The following ROBO2 variants were observed in gnomAD, a reference collection of about 807,000 sequenced individuals.
ROBO2 encodes the protein roundabout guidance receptor 2.
ROBO2 carries 53 observed loss-of-function variants against 160.8 expected under a neutral mutation model. The ratio of observed to expected loss-of-function variants is 0.33; its 90% CI spans 0.26 to 0.41. ROBO2 has a LOEUF of 0.41. Ranked by LOEUF, ROBO2 falls within the 10% of genes least tolerant of loss-of-function variation. The pLI, the probability that ROBO2 is intolerant of heterozygous loss-of-function variation, is 1.00. For missense variants in ROBO2, 1,577 were observed against 1,722.4 expected (o/e 0.92, Z 1.49); for synonymous variants, 664 against 611.7 (o/e 1.09, Z -1.26).
intron 1 of ROBO2, among the ~76,000 whole-genome samples, chr3:77,083,753 A>T (rs1390118234): frequency 6.6e-6 from 1 of 152,036 alleles, no homozygotes; most frequent in African/African-American, 2.4e-5. Flanking sequence ...AGCATTAGGG[A>T]CCTGGAGAAA....
chr3:76,956,282 G>T (rs1656974544), intron 2 of ROBO2, among the ~76,000 whole-genome samples: 1 of 152,138 alleles, frequency 6.6e-6, no homozygotes, highest in African/African-American at 2.4e-5. Context: ...TCTGGGCCAG[G>T]CACGGTGGCT....
chr3:77,007,179 A>C (rs2061624461), intron 2 of ROBO2, among the ~76,000 whole-genome samples: 1 of 152,140 alleles, frequency 6.6e-6, no homozygotes, highest in African/African-American at 2.4e-5. Context: ...ATGAGAAAAT[A>C]CACATCAACT....
intron 2 of ROBO2, among the ~76,000 whole-genome samples, chr3:76,997,886 A>G (rs2061111422): frequency 6.6e-6 from 1 of 152,142 alleles, no homozygotes; most frequent in South Asian, 2.1e-4. Flanking sequence ...AAATGACCTC[A>G]GAGGGAGGGC....
At chr3:76,413,709 G>A (rs142649926) in intron 2 of ROBO2, among the ~76,000 whole-genome samples, 2 of 152,172 alleles carry the variant, frequency 1.3e-5, no homozygotes, top group Non-Finnish European at 1.5e-5. Flanking sequence ...AGCATTTTGG[G>A]TAAAGCCATT....
At chr3:76,202,896 T>C (rs984943592) in intron 2 of ROBO2, among the ~76,000 whole-genome samples, 1 of 151,866 alleles carries the variant, frequency 6.6e-6, no homozygotes, top group Non-Finnish European at 1.5e-5. Context: ...CTGATATACC[T>C]TGGGCTCTCT....
chr3:76,216,860 C>T (rs1425774287), intron 2 of ROBO2, among the ~76,000 whole-genome samples: 6 of 152,124 alleles, frequency 3.9e-5, no homozygotes, highest in African/African-American at 9.7e-5. Flanking sequence ...AATATAAATT[C>T]TTTTCAGCAC....
At chr3:75,999,148 A>G (rs2065812277) in intron 2 of ROBO2, among the ~76,000 whole-genome samples, 1 of 152,146 alleles carries the variant, frequency 6.6e-6, no homozygotes, top group Admixed American at 6.6e-5. Context: ...TCCTCATCTG[A>G]TTGTTTTAAA....
chr3:77,472,653 T>C (rs2083473963), intron 2 of ROBO2, among the ~76,000 whole-genome samples: 1 of 152,170 alleles, frequency 6.6e-6, no homozygotes, highest in Admixed American at 6.5e-5. Context: ...AAACCCTGTA[T>C]TCTAACTTAG....
intron 6 of ROBO2, among the ~76,000 whole-genome samples, chr3:77,538,172 T>C (rs1319504238): frequency 2.9e-5 from 1 of 34,942 alleles, no homozygotes; most frequent in African/African-American, 1.5e-4. Flanking sequence ...ATCATTTACT[T>C]TTTTTTTTTT....
At chr3:76,857,023 T>G (rs2070178600) in intron 2 of ROBO2, among the ~76,000 whole-genome samples, 1 of 152,300 alleles carries the variant, frequency 6.6e-6, no homozygotes, top group East Asian at 1.9e-4. Flanking sequence ...TCTTGCTCTG[T>G]TGCCCAGGCT....
intron 2 of ROBO2, among the ~76,000 whole-genome samples, chr3:76,867,220 T>C (rs1316452672): frequency 6.6e-6 from 1 of 152,150 alleles, no homozygotes; most frequent in East Asian, 1.9e-4. Flanking sequence ...CTCCAGGAAG[T>C]CTTGTTCAGT....
chr3:76,757,736 A>G (rs2061062818), intron 2 of ROBO2, among the ~76,000 whole-genome samples: 1 of 151,864 alleles, frequency 6.6e-6, no homozygotes, highest in South Asian at 2.1e-4. Flanking sequence ...TGTCATAATT[A>G]CACAAATGAG....
At chr3:77,383,997 A>G (rs1278059710) in intron 2 of ROBO2, among the ~76,000 whole-genome samples, 1 of 152,182 alleles carries the variant, frequency 6.6e-6, no homozygotes, top group Non-Finnish European at 1.5e-5. Flanking sequence ...GAAGTACTTT[A>G]GAAAGAGTTT....
chr3:77,209,506 C>G (rs1482926575), intron 2 of ROBO2, among the ~76,000 whole-genome samples: 1 of 152,128 alleles, frequency 6.6e-6, no homozygotes, highest in African/African-American at 2.4e-5. Flanking sequence ...TGAGATGATG[C>G]AATGAATGTC....
At chr3:76,060,529 T>C (rs543167590) in intron 2 of ROBO2, among the ~76,000 whole-genome samples, 3 of 152,356 alleles carry the variant, frequency 2.0e-5, no homozygotes, top group Non-Finnish European at 4.4e-5. Flanking sequence ...CGGGAAAACA[T>C]TGGCTTCCAC....
At chr3:76,616,347 A>G (rs530482682) in intron 2 of ROBO2, among the ~76,000 whole-genome samples, 1 of 152,346 alleles carries the variant, frequency 6.6e-6, no homozygotes, top group Non-Finnish European at 1.5e-5. Context: ...CAAGAGAGAT[A>G]GAAGTCATTG....
intron 2 of ROBO2, among the ~76,000 whole-genome samples, chr3:76,848,793 C>T (rs893725049): frequency 6.6e-6 from 1 of 152,130 alleles, no homozygotes; most frequent in African/African-American, 2.4e-5. Flanking sequence ...TCCCAAAGAT[C>T]GTACCTCCCT....
chr3:77,109,527 TG>T (rs1311054868), intron 2 of ROBO2, among the ~76,000 whole-genome samples: 2 of 152,116 alleles, frequency 1.3e-5, no homozygotes, highest in Admixed American at 1.3e-4. Flanking sequence ...GGAGTTGCTC[TG>T]GTGTGAAATA....
intron 2 of ROBO2, among the ~76,000 whole-genome samples, chr3:77,277,220 T>TTTCTTCTTTC (rs1219405813): frequency 8.3e-6 from 1 of 120,078 alleles, no homozygotes; most frequent in Non-Finnish European, 1.9e-5. Flanking sequence ...TTCTTCTTTC[T>TTTCTTCTTTC]TTCTTTCTTG....
Sources: gnomAD v4.1 joint callset for allele counts (sites outside exome capture counted in the v4.1 genomes callset) on GRCh38, gnomAD v4.1.1 for gene constraint, MANE v1.5 for transcripts, NCBI Gene and HGNC (gene_info 2026-07-23, HGNC 2026-07-21) for gene names.